USP34: variants seen among roughly 807,000 people sequenced by gnomAD.
USP34 encodes the protein ubiquitin specific peptidase 34, also known as ubiquitin carboxyl-terminal hydrolase 34.
In USP34, 70 loss-of-function variants were observed where a neutral mutation model predicts 460.3. The ratio of observed to expected loss-of-function variants is 0.15; its 90% CI spans 0.13 to 0.19. The LOEUF (loss-of-function observed/expected upper bound fraction) is 0.19, where lower values mean the gene tolerates loss of function less well. Ranked by LOEUF, USP34 falls within the 10% of genes least tolerant of loss-of-function variation. The probability of loss-of-function intolerance (pLI) is 1.00; values close to 1 mark genes in which losing one functional copy is unlikely to be tolerated. For synonymous variants in USP34, 1,647 were observed against 1,405.3 expected, an observed-to-expected ratio of 1.17 and a Z score of -3.85; for missense variants, 3,985 against 4,236.2, an observed-to-expected ratio of 0.94 and a Z score of 1.65.
chr2:61,324,444 C>G (rs1296164049), intron 21 of USP34, among the ~76,000 whole-genome samples: 3 of 152,074 alleles, frequency 2.0e-5, no homozygotes, highest in Non-Finnish European at 4.4e-5. Context: ...CTATCTCCAA[C>G]CAAAGGGACA....
chr2:61,470,322 C>A (rs991141657), intron 1 of USP34, among the ~76,000 whole-genome samples: 1 of 152,078 alleles, frequency 6.6e-6, no homozygotes, highest in Non-Finnish European at 1.5e-5. Flanking sequence ...CCCGGCAGGG[C>A]GAAGGAGGCG....
At chr2:61,223,438 T>C (rs1195684652) in intron 62 of USP34, 142 bp from the exon 63 acceptor site, 3 of 837,854 alleles carry the variant, frequency 3.6e-6, no homozygotes, top group Non-Finnish European at 3.6e-6. Flanking sequence ...TAGCTACATT[T>C]GCTTGCTAAA....
chr2:61,315,875 A>C (rs1409851051), intron 23 of USP34, among the ~76,000 whole-genome samples: 1 of 152,170 alleles, frequency 6.6e-6, no homozygotes, highest in Non-Finnish European at 1.5e-5. Context: ...GAGCACGACT[A>C]CTTCAGTTGT....
chr2:61,294,810 AGTAATACATGAT>A, intron 32 of USP34, 127 bp downstream of exon 32: 1 of 725,474 alleles, frequency 1.4e-6, no homozygotes, highest in Non-Finnish European at 2.2e-6. Flanking sequence ...TGCAACTTAA[AGTAATACATGAT>A]TTTTAAACTA....
intron 8 of USP34, among the ~76,000 whole-genome samples, chr2:61,372,629 T>C (rs959050425): frequency 1.3e-5 from 2 of 152,176 alleles, no homozygotes; most frequent in Non-Finnish European, 2.9e-5. Flanking sequence ...GAGGATCATT[T>C]GAGTCCAGGT....
chr2:61,375,768 CAAA>C lies in USP34; in HGVS notation c.1076+2592_1076+2594del, dbSNP rs56304309. ...TGGGTGACAGACCAAGACTCTGTCT[CAAA>C]AAAAAAAAAAAAAAAAAAAAAAAGT... is the stretch of plus-strand genomic sequence containing the variant. On this transcript the variant is annotated intron_variant, in intron 8 of 79. Coordinates refer to ENST00000398571, the MANE Select transcript of USP34 (RefSeq NM_014709.4). 2.8e-4 allele frequency among the ~76,000 whole-genome samples: 23 copies of C among 80,870 alleles called. No homozygotes were observed. The East Asian group carries it at 3.3e-3, about 12-fold the overall frequency. 53.1% of individuals were successfully genotyped at this position (80,870 alleles called of 152,430 possible).
intron 21 of USP34, among the ~76,000 whole-genome samples, chr2:61,322,287 A>G (rs1354873763): frequency 1.3e-5 from 2 of 152,166 alleles, no homozygotes; most frequent in Non-Finnish European, 2.9e-5. Flanking sequence ...TGAAGAAAGC[A>G]AAAGGAAACT....
In USP34 at chr2:61,244,600, C is replaced by T. The variant is rs1471907125; in HGVS notation, c.6627+610G>A. Among the ~76,000 whole-genome samples the T allele has an allele frequency of 5.0e-5, 7 of 141,396 alleles. No individual in the cohort carries two copies. In the Admixed American group the frequency reaches 5.2e-4, roughly 10 times the overall value. The allele number at this position is 141,396 out of a possible 152,430, so 92.8% of individuals were successfully genotyped here. A position where few individuals can be genotyped will look rare whatever the true frequency, so the allele number is the denominator to read the frequency against. ...ACTGACTCCAGTCTGGGCGACACAG[C>T]AAGAATCCGACTTGGGGGCAAAAAA... On this transcript the variant is annotated intron_variant, in intron 51 of 79. Coordinates refer to ENST00000398571, the MANE Select transcript of USP34 (RefSeq NM_014709.4).
In USP34 at chr2:61,365,710, A is replaced by G. The variant is rs536876770; in HGVS notation, c.1251+4611T>C. Among the ~76,000 whole-genome samples the G allele has an allele frequency of 6.6e-5, 10 of 152,294 alleles. 1 individual carries two copies. The South Asian group carries it at 2.1e-3, about 32-fold the overall frequency. ...AGCATAATACTAAACAACTGTGGGA[A>G]TTACGGTTATAGTATATAATCTAAA... On this transcript the variant is annotated intron_variant, in intron 10 of 79. Coordinates refer to ENST00000398571, the MANE Select transcript of USP34 (RefSeq NM_014709.4).
chr2:61,416,831 G>GGGGGGGGGGGA (rs1694210126), intron 2 of USP34: 1 of 372,438 alleles, frequency 2.7e-6, no homozygotes, highest in African/African-American at 2.4e-5. Flanking sequence ...TGGGGGGGGG[G>GGGGGGGGGGGA]ACAGGAAGTA....
At position 61,187,806 on chromosome 2, in the gene USP34, G is replaced by GGGCTA. The variant is rs1686479322; in HGVS notation, c.*291_*295dup. On this transcript the variant is annotated 3_prime_UTR_variant, in exon 80 of 80. Transcript: ENST00000398571. ...CTGTAAGTTTAAATTACATTGTACA[G>GGGCTA]GGCTAGGCAACCCTGTTCTTCCCAG... The GGGCTA allele has an allele frequency of 1.0e-6, 1 of 960,636 alleles. No individual in the cohort carries two copies. Among genetic ancestry groups the GGGCTA allele is most frequent in the African/African-American group, 1.7e-5 (1 of 58,358 alleles). The allele number at this position is 960,636 out of a possible 1,614,324, so 59.5% of individuals were successfully genotyped here.
rs1348125883 is a variant in USP34, at chr2:61,459,625, G to C, written c.43+11025C>G. Among the ~76,000 whole-genome samples the C allele has an allele frequency of 3.3e-5, 5 of 151,248 alleles. No homozygotes were observed. In the East Asian group the frequency reaches 9.7e-4, roughly 29 times the overall value. ...CCCCGTCTCTACTAAAAATACAAAA[G>C]AATTAGCCGAGCGTGGTGGCAGGCA... On this transcript the variant is annotated intron_variant, in intron 1 of 79. Coordinates refer to ENST00000398571, the MANE Select transcript of USP34 (RefSeq NM_014709.4).
chr2:61,254,172 T>C (rs1226519089), intron 48 of USP34, among the ~76,000 whole-genome samples: 2 of 152,258 alleles, frequency 1.3e-5, no homozygotes, highest in Admixed American at 6.5e-5. Flanking sequence ...TCAGCTGTCA[T>C]TGTCTTTCAT....
At chr2:61,238,228 C>A (rs534569350) in intron 53 of USP34, among the ~76,000 whole-genome samples, 1 of 152,068 alleles carries the variant, frequency 6.6e-6, no homozygotes, top group African/African-American at 2.4e-5. Context: ...AACTGTCCAT[C>A]CTCATCTTGG....
At chr2:61,343,685 C>A in intron 16 of USP34, 130 bp downstream of exon 16, 1 of 908,320 alleles carries the variant, frequency 1.1e-6, no homozygotes, top group South Asian at 1.8e-5. Context: ...AAAAAAACTA[C>A]CATATGTAAG....
chr2:61,303,017 C>G (rs563649733), intron 27 of USP34, among the ~76,000 whole-genome samples: 1 of 152,048 alleles, frequency 6.6e-6, no homozygotes, highest in Non-Finnish European at 1.5e-5. Context: ...CTCAGATGTT[C>G]GCTTATCTCC....
intron 8 of USP34, among the ~76,000 whole-genome samples, chr2:61,374,872 T>C (rs1200841316): frequency 6.6e-6 from 1 of 152,150 alleles, no homozygotes; most frequent in African/African-American, 2.4e-5. Context: ...CTCAGTCTCC[T>C]ACTTTCAATA....
intron 10 of USP34, among the ~76,000 whole-genome samples, chr2:61,359,493 G>T (rs1692209760): frequency 6.6e-6 from 1 of 152,036 alleles, no homozygotes; most frequent in Non-Finnish European, 1.5e-5. Context: ...CCCTTAGAAG[G>T]AAAAGATAAG....
chr2:61,249,350 T>C (rs1454049141), intron 48 of USP34, among the ~76,000 whole-genome samples: 1 of 152,234 alleles, frequency 6.6e-6, no homozygotes, highest in Non-Finnish European at 1.5e-5. Context: ...ACAAGTAGTG[T>C]ATACACCATG....
Sources: allele counts gnomAD v4.1 joint callset (sites outside exome capture counted in the v4.1 genomes callset), GRCh38; gene constraint gnomAD v4.1.1; transcripts MANE v1.5; gene names NCBI Gene and HGNC (gene_info 2026-07-23, HGNC 2026-07-21).